The following RASGRF2 variants were observed in gnomAD, a reference collection of about 807,000 sequenced individuals.
The protein encoded by RASGRF2 is Ras protein specific guanine nucleotide releasing factor 2, also known as ras-specific guanine nucleotide-releasing factor 2.
RASGRF2 carries 76 observed loss-of-function variants against 151.0 expected under a neutral mutation model. The observed-to-expected ratio is 0.50, with a 90% CI of 0.42 to 0.61. The LOEUF is 0.61. Ranked by LOEUF, RASGRF2 falls within the 20% of genes least tolerant of loss-of-function variation. RASGRF2 has a pLI of 0.00. For missense variants in RASGRF2, 1,148 were observed against 1,564.6 expected, an observed-to-expected ratio of 0.73 and a Z score of 4.49; for synonymous variants, 504 against 566.5, an observed-to-expected ratio of 0.89 and a Z score of 1.57.
intron 18 of RASGRF2, among the ~76,000 whole-genome samples, chr5:81,183,691 G>A (rs1288464920): frequency 2.0e-5 from 3 of 152,180 alleles, no homozygotes; most frequent in Non-Finnish European, 2.9e-5. Context: ...TCAATCAGCA[G>A]AGGGAACAGC....
At chr5:81,075,382 G>C (rs1038208465) in intron 5 of RASGRF2, among the ~76,000 whole-genome samples, 5 of 152,210 alleles carry the variant, frequency 3.3e-5, no homozygotes, top group Non-Finnish European at 5.9e-5. Context: ...AGGGGCTGGA[G>C]GGAAGTTTTA....
At chr5:81,194,491 T>C (rs1056083297) in intron 18 of RASGRF2, among the ~76,000 whole-genome samples, 8 of 152,144 alleles carry the variant, frequency 5.3e-5, no homozygotes, top group Admixed American at 3.3e-4. Context: ...CCTAATTATT[T>C]ATGAACATGT....
At chr5:81,114,032 A>G (rs1753081989) in intron 15 of RASGRF2, 112 bp downstream of exon 15, 1 of 1,334,618 alleles carries the variant, frequency 7.5e-7, no homozygotes, top group African/African-American at 1.5e-5. Context: ...ATACTTCTGC[A>G]TAGAAAGTAG....
At chr5:81,020,517 C>T (rs1050974541) in intron 1 of RASGRF2, among the ~76,000 whole-genome samples, 2 of 152,144 alleles carry the variant, frequency 1.3e-5, no homozygotes, top group East Asian at 1.9e-4. Flanking sequence ...TTATTAAGGG[C>T]TTTCTGTGTG....
At chr5:81,132,703 G>A (rs1753654629) in intron 17 of RASGRF2, among the ~76,000 whole-genome samples, 1 of 152,120 alleles carries the variant, frequency 6.6e-6, no homozygotes, top group Non-Finnish European at 1.5e-5. Flanking sequence ...TTCATACTGT[G>A]TGATATTAAC....
intron 18 of RASGRF2, among the ~76,000 whole-genome samples, chr5:81,197,178 C>T (rs540611046): frequency 3.9e-5 from 6 of 152,090 alleles, no homozygotes; most frequent in South Asian, 2.1e-4. Flanking sequence ...AAATATTGGC[C>T]GGGCGCGGTG....
intron 22 of RASGRF2, among the ~76,000 whole-genome samples, chr5:81,209,098 C>T (rs1046985282): frequency 2.6e-5 from 4 of 152,192 alleles, no homozygotes; most frequent in South Asian, 2.1e-4. Flanking sequence ...GTGTTGGTCA[C>T]GGTAAGGCTG....
chr5:81,121,889 A>G (rs1379658851), intron 15 of RASGRF2, among the ~76,000 whole-genome samples: 4 of 152,150 alleles, frequency 2.6e-5, no homozygotes, highest in Non-Finnish European at 4.4e-5. Context: ...CAACTTAGCC[A>G]CCTGTGTTGC....
At chr5:81,108,928 A>T in intron 12 of RASGRF2, 68 bp from the exon 13 acceptor site, 19 of 1,539,374 alleles carry the variant, frequency 1.2e-5, no homozygotes, top group Non-Finnish European at 1.7e-5. Flanking sequence ...AGCTATAAAC[A>T]ATTGTGGGAA....
intron 1 of RASGRF2, among the ~76,000 whole-genome samples, chr5:81,027,280 C>T (rs1050497353): frequency 6.6e-6 from 1 of 152,068 alleles, no homozygotes; most frequent in African/African-American, 2.4e-5. Flanking sequence ...TCAACTGTAA[C>T]AAACATGTCA....
chr5:81,215,597 G>A (rs1186384237), intron 23 of RASGRF2, among the ~76,000 whole-genome samples: 1 of 152,140 alleles, frequency 6.6e-6, no homozygotes, highest in Admixed American at 6.5e-5. Context: ...AAGTGCCTAA[G>A]TTTTCTATCC....
At chr5:80,968,808 C>CA (rs1199758645) in intron 1 of RASGRF2, among the ~76,000 whole-genome samples, 5 of 151,990 alleles carry the variant, frequency 3.3e-5, no homozygotes, top group African/African-American at 1.2e-4. Flanking sequence ...CTCAGCCTCC[C>CA]AAGTAGTTGG....
At chr5:81,039,098 C>A (rs1750601390) in intron 1 of RASGRF2, among the ~76,000 whole-genome samples, 1 of 152,166 alleles carries the variant, frequency 6.6e-6, no homozygotes, top group South Asian at 2.1e-4. Flanking sequence ...ATATTACTTT[C>A]TAAAAGTTTT....
chr5:80,982,721 C>G (rs1370468224), intron 1 of RASGRF2, among the ~76,000 whole-genome samples: 1 of 151,764 alleles, frequency 6.6e-6, no homozygotes, highest in Admixed American at 6.6e-5. Context: ...CTGCCTCAGT[C>G]TCCCGAGTAG....
chr5:81,133,245 C>A (rs138556411), intron 17 of RASGRF2, among the ~76,000 whole-genome samples: 1 of 152,276 alleles, frequency 6.6e-6, no homozygotes, highest in Non-Finnish European at 1.5e-5. Context: ...GTATGTATTG[C>A]CACCCCGATT....
chr5:80,998,456 C>T (rs1748968637), intron 1 of RASGRF2, among the ~76,000 whole-genome samples: 1 of 152,122 alleles, frequency 6.6e-6, no homozygotes, highest in African/African-American at 2.4e-5. Flanking sequence ...GGTTTTGTTG[C>T]AGCATATAGG....
intron 1 of RASGRF2, among the ~76,000 whole-genome samples, chr5:81,004,848 T>G (rs1340390459): frequency 1.3e-5 from 2 of 152,220 alleles, no homozygotes; most frequent in African/African-American, 4.8e-5. Context: ...TGTAGCTGAT[T>G]GTTCTTTCCT....
intron 1 of RASGRF2, among the ~76,000 whole-genome samples, chr5:80,966,565 A>G (rs1747730746): frequency 6.6e-6 from 1 of 152,184 alleles, no homozygotes; most frequent in African/African-American, 2.4e-5. Flanking sequence ...GAAGTTATAA[A>G]TACATGAATT....
At chr5:81,039,131 T>C (rs990604909) in intron 1 of RASGRF2, among the ~76,000 whole-genome samples, 6 of 152,224 alleles carry the variant, frequency 3.9e-5, no homozygotes, top group African/African-American at 1.4e-4. Context: ...TTACCAGGAT[T>C]TGACTCTTCC....
Sources: allele counts gnomAD v4.1 joint callset (sites outside exome capture counted in the v4.1 genomes callset), GRCh38; gene constraint gnomAD v4.1.1; transcripts MANE v1.5; gene names NCBI Gene and HGNC (gene_info 2026-07-23, HGNC 2026-07-21).